ITPKB: variants seen among roughly 807,000 people sequenced by gnomAD.
The protein encoded by ITPKB is inositol-trisphosphate 3-kinase B, also known as IP3 3-kinase B.
A neutral mutation model predicts 69.4 loss-of-function variants in ITPKB; 13 were observed. That is an observed-to-expected ratio of 0.19 (90% CI 0.12 to 0.30). The LOEUF is 0.30. Ranked by LOEUF, ITPKB falls within the 10% of genes least tolerant of loss-of-function variation. The pLI, the probability that ITPKB is intolerant of heterozygous loss-of-function variation, is 1.00. For missense variants in ITPKB, 1,240 were observed against 1,250.5 expected (o/e 0.99, Z 0.13); for synonymous variants, 584 against 513.7 (o/e 1.14, Z -1.85).
At position 226,737,168 on chromosome 1, in the gene ITPKB, C is replaced by G; in HGVS notation, c.291G>C (p.Val97=). 8 of 1,584,130 alleles carry G rather than the reference C, an allele frequency of 5.1e-6. No homozygotes were observed. The highest frequency in any genetic ancestry group is 6.8e-6 in the Non-Finnish European group (8 of 1,172,892). Reference sequence around the variant, plus strand: ...GGCGACCAGCCCAACTTGGGCTGCTCACGCTACTGCCGCTGCTGCCGCTGC... The same window carrying G: ...GGCGACCAGCCCAACTTGGGCTGCTGACGCTACTGCCGCTGCTGCCGCTGC... ...GSGSGSSGSS[V]SSPSWAGRLR... Residue 97 remains valine (V), a synonymous_variant, in exon 2 of 8, where the codon GTG becomes GTC. Coordinates refer to ENST00000429204, the MANE Select transcript of ITPKB (RefSeq NM_002221.4).
At chr1:226,694,466 G>A (rs770834736) in intron 2 of ITPKB, among the ~76,000 whole-genome samples, 6 of 152,154 alleles carry the variant, frequency 3.9e-5, no homozygotes, top group Admixed American at 6.5e-5. Context: ...TTGGTATGGC[G>A]TGTCCTCAAT....
At chr1:226,675,053 G>C (rs1460642244) in intron 2 of ITPKB, 1 of 150,248 alleles carries the variant, frequency 6.7e-6, no homozygotes, top group African/African-American at 2.5e-5. Flanking sequence ...GGCCACAGCA[G>C]GGTACTCTGA....
rs758514025 is a variant in ITPKB at position 226,641,870 on chromosome 1, C to T, written c.2451+51G>A. 3 of 1,544,352 alleles carry T rather than the reference C, an allele frequency of 1.9e-6. No individual in the cohort carries two copies. The highest frequency in any genetic ancestry group is 2.7e-6 in the Non-Finnish European group (3 of 1,127,284). On this transcript the variant is annotated intron_variant, in intron 5 of 7. Coordinates refer to ENST00000429204, the MANE Select transcript of ITPKB (RefSeq NM_002221.4). The surrounding 1 kb of genome is among the most constrained non-coding windows in gnomAD (Gnocchi z 4.6). Reference sequence around the variant, plus strand: ...AGGGCGCTGAGAGAAGCCAAGCCCCCTGAGGTGGGCACGGGTGGGGCCCGA... The same window carrying T: ...AGGGCGCTGAGAGAAGCCAAGCCCCTTGAGGTGGGCACGGGTGGGGCCCGA...
At chr1:226,651,804 G>A (rs1669199556) in intron 2 of ITPKB, among the ~76,000 whole-genome samples, 1 of 152,174 alleles carries the variant, frequency 6.6e-6, no homozygotes, top group African/African-American at 2.4e-5. Context: ...CAGGGTGGGG[G>A]TCTTCTGACA....
At chr1:226,673,881 C>T (rs1669672260) in intron 2 of ITPKB, among the ~76,000 whole-genome samples, 1 of 152,230 alleles carries the variant, frequency 6.6e-6, no homozygotes, top group African/African-American at 2.4e-5. Flanking sequence ...TTCTGCCAGG[C>T]AGGCTCAGAG....
At chr1:226,712,065 C>T (rs1028175939) in intron 2 of ITPKB, among the ~76,000 whole-genome samples, 2 of 152,204 alleles carry the variant, frequency 1.3e-5, no homozygotes, top group African/African-American at 4.8e-5. Flanking sequence ...CGGTGGTGTA[C>T]AGTAAGCCGC....
In ITPKB at chr1:226,701,881, C is replaced by T. The variant is rs1298664363; in HGVS notation, c.1932+33646G>A. 2.0e-5 allele frequency among the ~76,000 whole-genome samples: 3 copies of T among 152,190 alleles called. 1 individual carries two copies. Among genetic ancestry groups the T allele is most frequent in the Admixed American group, 2.0e-4 (3 of 15,276 alleles). ...TTGTCAGCATCAGCACTCCCTAATT[C>T]TGCAGAATAACTGGTACCAAATAGC... On this transcript the variant is annotated intron_variant, in intron 2 of 7. Transcript: ENST00000429204.
intron 2 of ITPKB, among the ~76,000 whole-genome samples, chr1:226,661,344 T>C (rs1324336146): frequency 1.3e-5 from 2 of 152,236 alleles, no homozygotes; most frequent in African/African-American, 2.4e-5. Context: ...GTGTGTGTGA[T>C]AAGAGTCTCT....
At chr1:226,655,475 A>G (rs1208621593) in intron 2 of ITPKB, among the ~76,000 whole-genome samples, 1 of 152,124 alleles carries the variant, frequency 6.6e-6, no homozygotes, top group Non-Finnish European at 1.5e-5. Flanking sequence ...AGGGCAGGGG[A>G]GGGCTCAAGG....
At chr1:226,680,610 C>T (rs1656062995) in intron 2 of ITPKB, among the ~76,000 whole-genome samples, 1 of 152,072 alleles carries the variant, frequency 6.6e-6, no homozygotes, top group African/African-American at 2.4e-5. Context: ...GAAAAGGGGG[C>T]CCCAGGCTTT....
chr1:226,643,053 T>C (rs1256432895), intron 4 of ITPKB, among the ~76,000 whole-genome samples: 1 of 152,138 alleles, frequency 6.6e-6, no homozygotes, highest in African/African-American at 2.4e-5. Context: ...GGCCTCCTCA[T>C]AGGTGAGCCC....
intron 2 of ITPKB, among the ~76,000 whole-genome samples, chr1:226,664,648 A>G (rs1259677403): frequency 6.6e-6 from 1 of 152,172 alleles, no homozygotes; most frequent in Non-Finnish European, 1.5e-5. Context: ...TTAACTTTCA[A>G]TGCTATTATT....
intron 2 of ITPKB, among the ~76,000 whole-genome samples, chr1:226,714,222 G>A (rs1456422573): frequency 6.6e-6 from 1 of 152,178 alleles, no homozygotes; most frequent in African/African-American, 2.4e-5. Context: ...GAGCAGAAGT[G>A]GTAAGTGTTG....
intron 2 of ITPKB, among the ~76,000 whole-genome samples, chr1:226,708,558 C>T (rs1571868104): frequency 6.6e-6 from 1 of 152,180 alleles, no homozygotes; most frequent in African/African-American, 2.4e-5. Context: ...CCATGAAGAG[C>T]CATCCCCTTT....
intron 2 of ITPKB, among the ~76,000 whole-genome samples, chr1:226,674,087 TCTC>T (rs1283104962): frequency 6.6e-6 from 1 of 152,048 alleles, no homozygotes; most frequent in Non-Finnish European, 1.5e-5. Context: ...ACCACAATCA[TCTC>T]CTGGTGATAG....
In ITPKB at chr1:226,648,760, C is replaced by T; in HGVS notation, c.1944G>A (p.Trp648Ter). 1 of 1,604,050 alleles carries T rather than the reference C, an allele frequency of 6.2e-7. No homozygotes were observed. The highest frequency in any genetic ancestry group is 8.5e-7 in the Non-Finnish European group (1 of 1,170,760). The change falls in exon 3 of 8, where the codon TGG (tryptophan) becomes TGA (stop). Residue 648 changes from tryptophan (W) to a stop codon, truncating the protein, a stop_gained. Coordinates refer to ENST00000429204, the MANE Select transcript of ITPKB (RefSeq NM_002221.4). LOFTEE classifies it high-confidence loss of function. ...DQQKPRVSKS[W>*]RKIKNMVHWS... is the part of the protein sequence containing the mutation. ...AGTGCACCATGTTTTTTATCTTCCTCCATGATTTGCTCTAGAAACAAACAA... is the reference window on the plus strand; with the variant it reads ...AGTGCACCATGTTTTTTATCTTCCTTCATGATTTGCTCTAGAAACAAACAA...
intron 4 of ITPKB, among the ~76,000 whole-genome samples, chr1:226,644,940 T>C (rs538261217): frequency 1.3e-3 from 195 of 152,274 alleles, no homozygotes; most frequent in African/African-American, 4.5e-3. Context: ...CCCAGGGAAA[T>C]GCCATGGAAG....
intron 7 of ITPKB, among the ~76,000 whole-genome samples, chr1:226,636,810 T>G (rs1368317712): frequency 2.0e-5 from 3 of 148,472 alleles, no homozygotes; most frequent in Non-Finnish European, 3.0e-5. Context: ...GGGAAAGGCA[T>G]GCATGTTTGT....
intron 2 of ITPKB, among the ~76,000 whole-genome samples, chr1:226,682,505 T>A (rs1233947686): frequency 6.6e-6 from 1 of 152,184 alleles, no homozygotes; most frequent in East Asian, 1.9e-4. Flanking sequence ...CACTCATTCA[T>A]TCTGAGCCTT....
Sources: allele counts gnomAD v4.1 joint callset (sites outside exome capture counted in the v4.1 genomes callset), GRCh38; gene constraint gnomAD v4.1.1; non-coding constraint Gnocchi (gnomAD v3.1); transcripts MANE v1.5; gene names NCBI Gene and HGNC (gene_info 2026-07-23, HGNC 2026-07-21).